The following GPC5 variants were observed in gnomAD, a reference collection of about 807,000 sequenced individuals.
The protein encoded by GPC5 is glypican 5.
A neutral mutation model predicts 53.9 loss-of-function variants in GPC5; 47 were observed. The ratio of observed to expected loss-of-function variants is 0.87; its 90% confidence interval spans 0.69 to 1.11. The LOEUF (loss-of-function observed/expected upper bound fraction) is 1.11, where lower values mean the gene tolerates loss of function less well. GPC5 is among the 50% of genes most tolerant of loss of function. GPC5 has a pLI of 0.00. For missense variants in GPC5, 748 were observed against 713.1 expected, an observed-to-expected ratio of 1.05 and a Z score of -0.56; for synonymous variants, 286 against 263.3, an observed-to-expected ratio of 1.09 and a Z score of -0.84.
At chr13:91,449,336 T>C (rs1881025520) in intron 2 of GPC5, among the ~76,000 whole-genome samples, 2 of 152,242 alleles carry the variant, frequency 1.3e-5, no homozygotes, top group Admixed American at 1.3e-4. Context: ...TTTTTGGATG[T>C]CTCATAATTT....
intron 7 of GPC5, among the ~76,000 whole-genome samples, chr13:92,756,063 T>A (rs1290862143): frequency 1.3e-5 from 2 of 151,984 alleles, no homozygotes; most frequent in Non-Finnish European, 2.9e-5. Context: ...TTGATGAACA[T>A]TGATGCAAAA....
At chr13:91,518,696 G>T (rs911516940) in intron 2 of GPC5, among the ~76,000 whole-genome samples, 9 of 152,130 alleles carry the variant, frequency 5.9e-5, no homozygotes. Context: ...GTGACTACAG[G>T]TGCCTGCCAC....
chr13:92,079,829 C>A (rs943458799), intron 6 of GPC5, among the ~76,000 whole-genome samples: 2 of 152,210 alleles, frequency 1.3e-5, no homozygotes, highest in African/African-American at 4.8e-5. Flanking sequence ...ACCTTCCTCA[C>A]CTGCCTCTCG....
chr13:91,622,831 C>T (rs2033898299), intron 2 of GPC5, among the ~76,000 whole-genome samples: 1 of 152,076 alleles, frequency 6.6e-6, no homozygotes, highest in African/African-American at 2.4e-5. Flanking sequence ...ATCCAATATC[C>T]AGCTAAGATA....
At chr13:92,331,028 T>C (rs1331940333) in intron 7 of GPC5, among the ~76,000 whole-genome samples, 3 of 152,220 alleles carry the variant, frequency 2.0e-5, no homozygotes, top group African/African-American at 7.2e-5. Context: ...GATCCCATCA[T>C]TTCAAATTCA....
intron 7 of GPC5, among the ~76,000 whole-genome samples, chr13:92,510,636 G>C (rs1014792152): frequency 6.6e-6 from 1 of 152,168 alleles, no homozygotes; most frequent in African/African-American, 2.4e-5. Flanking sequence ...CTGGGATCAA[G>C]ACACCATCTG....
intron 3 of GPC5, among the ~76,000 whole-genome samples, chr13:91,697,904 T>C (rs1320056218): frequency 3.6e-5 from 3 of 83,536 alleles, no homozygotes; most frequent in Non-Finnish European, 6.2e-5. Flanking sequence ...AGATGTTTTC[T>C]TTTTTTTTTT....
At chr13:91,619,700 T>C (rs1423884540) in intron 2 of GPC5, among the ~76,000 whole-genome samples, 1 of 152,116 alleles carries the variant, frequency 6.6e-6, no homozygotes, top group African/African-American at 2.4e-5. Flanking sequence ...TATAAGAATG[T>C]GTGAAATGCT....
chr13:91,834,932 A>G (rs2038705863), intron 5 of GPC5, among the ~76,000 whole-genome samples: 1 of 152,256 alleles, frequency 6.6e-6, no homozygotes, highest in Non-Finnish European at 1.5e-5. Context: ...TGCACAGCAA[A>G]AGAAACTTTC....
intron 5 of GPC5, among the ~76,000 whole-genome samples, chr13:91,832,752 G>C (rs2038677061): frequency 6.6e-6 from 1 of 152,046 alleles, no homozygotes; most frequent in Non-Finnish European, 1.5e-5. Context: ...AGTGTTTAGA[G>C]GGAAATTTAT....
intron 2 of GPC5, among the ~76,000 whole-genome samples, chr13:91,505,607 A>G (rs573248165): frequency 2.0e-5 from 3 of 152,012 alleles, no homozygotes; most frequent in South Asian, 2.1e-4. Context: ...CAACAAGTCA[A>G]CTCTCCTCTA....
At chr13:91,679,986 C>T (rs1401123564) in intron 2 of GPC5, among the ~76,000 whole-genome samples, 1 of 151,790 alleles carries the variant, frequency 6.6e-6, no homozygotes, top group Non-Finnish European at 1.5e-5. Flanking sequence ...GTAATTCAGA[C>T]TTAAGTATTT....
At chr13:92,699,513 T>G (rs1023265006) in intron 7 of GPC5, among the ~76,000 whole-genome samples, 2 of 152,146 alleles carry the variant, frequency 1.3e-5, no homozygotes, top group African/African-American at 4.8e-5. Flanking sequence ...CTTTTAAATG[T>G]GATGTTAGGG....
chr13:92,666,557 C>T (rs1886572674), intron 7 of GPC5, among the ~76,000 whole-genome samples: 1 of 152,096 alleles, frequency 6.6e-6, no homozygotes, highest in African/African-American at 2.4e-5. Flanking sequence ...GACAAATGTT[C>T]TAATTTCAGT....
chr13:91,701,199 T>C (rs1486098865), intron 3 of GPC5, among the ~76,000 whole-genome samples: 1 of 152,140 alleles, frequency 6.6e-6, no homozygotes, highest in African/African-American at 2.4e-5. Flanking sequence ...CATGTACACA[T>C]TTTTTTAGTG....
chr13:91,997,416 T>C (rs1023614275), intron 6 of GPC5, among the ~76,000 whole-genome samples: 1 of 152,222 alleles, frequency 6.6e-6, no homozygotes. Context: ...CTTTGTTGGT[T>C]TGTAGATACA....
intron 6 of GPC5, chr13:91,995,959 G>A (rs2040499918): frequency 1.3e-5 from 2 of 152,190 alleles, no homozygotes; most frequent in South Asian, 4.1e-4. Flanking sequence ...CTAGAGGCTT[G>A]CTCTTAGACA....
At chr13:92,050,582 C>T (rs1195876275) in intron 6 of GPC5, among the ~76,000 whole-genome samples, 1 of 152,290 alleles carries the variant, frequency 6.6e-6, no homozygotes, top group East Asian at 1.9e-4. Context: ...TGTCTGGAGA[C>T]AGCAGTGGGA....
At chr13:92,423,039 C>G (rs2139364770) in intron 7 of GPC5, among the ~76,000 whole-genome samples, 1 of 152,290 alleles carries the variant, frequency 6.6e-6, no homozygotes, top group East Asian at 1.9e-4. Flanking sequence ...ATCAAGGTGC[C>G]AGTACATTGA....
Sources: allele counts gnomAD v4.1 joint callset (sites outside exome capture counted in the v4.1 genomes callset), GRCh38; gene constraint gnomAD v4.1.1; transcripts MANE v1.5; gene names NCBI Gene and HGNC (gene_info 2026-07-23, HGNC 2026-07-21).